Variants in OLFML2A observed in about 807,000 individuals in gnomAD.
OLFML2A encodes the protein olfactomedin-like protein 2A.
A neutral mutation model predicts 60.9 loss-of-function variants in OLFML2A; 47 were observed. The observed-to-expected ratio is 0.77, with a 90% CI of 0.61 to 0.98. OLFML2A has a LOEUF of 0.98. Among genes scored for constraint, OLFML2A ranks in the 50% least tolerant of loss-of-function variants. The probability of loss-of-function intolerance (pLI) is 0.00; values close to 1 mark genes in which losing one functional copy is unlikely to be tolerated. For synonymous variants in OLFML2A, 372 were observed against 375.0 expected (o/e 0.99, Z 0.09); for missense variants, 922 against 879.8 (o/e 1.05, Z -0.61).
intron 2 of OLFML2A, among the ~76,000 whole-genome samples, chr9:124,793,389 T>A (rs1841603956): frequency 6.6e-6 from 1 of 152,212 alleles, no homozygotes; most frequent in Non-Finnish European, 1.5e-5. Flanking sequence ...CAGCAGCTGC[T>A]CCAGGTCCTG....
chr9:124,782,456 G>A (rs1323581583), intron 1 of OLFML2A, among the ~76,000 whole-genome samples: 2 of 152,218 alleles, frequency 1.3e-5, no homozygotes, highest in East Asian at 1.9e-4. Flanking sequence ...CCCTGCATGC[G>A]TTGATTGTTC....
chr9:124,807,422 T>G (rs1340313654), intron 6 of OLFML2A, among the ~76,000 whole-genome samples: 1 of 151,854 alleles, frequency 6.6e-6, no homozygotes, highest in Admixed American at 6.6e-5. Flanking sequence ...TAGCTACGAT[T>G]ACAGGCACCG....
chr9:124,778,907 C>T (rs1033553045), intron 1 of OLFML2A: 1 of 980,126 alleles, frequency 1.0e-6, no homozygotes, highest in Non-Finnish European at 1.2e-6. Context: ...ACTTCCAATA[C>T]CTCTCCAGCC....
At chr9:124,782,436 C>A (rs1285233631) in intron 1 of OLFML2A, among the ~76,000 whole-genome samples, 1 of 152,226 alleles carries the variant, frequency 6.6e-6, no homozygotes, top group Non-Finnish European at 1.5e-5. Flanking sequence ...TGCCAGGTGC[C>A]ATGCCGAGGC....
At chr9:124,795,573 G>A (rs1255769505) in intron 3 of OLFML2A, among the ~76,000 whole-genome samples, 1 of 152,220 alleles carries the variant, frequency 6.6e-6, no homozygotes, top group Non-Finnish European at 1.5e-5. Flanking sequence ...GAGGCCAGAA[G>A]TTTGAGACCA....
intron 4 of OLFML2A, among the ~76,000 whole-genome samples, chr9:124,800,118 C>G (rs1386939778): frequency 6.6e-6 from 1 of 152,238 alleles, no homozygotes; most frequent in African/African-American, 2.4e-5. Flanking sequence ...AACTGTGAAG[C>G]TGGTTCTCCC....
intron 7 of OLFML2A, among the ~76,000 whole-genome samples, chr9:124,808,461 C>T (rs1438499596): frequency 1.3e-5 from 2 of 152,168 alleles, no homozygotes. Flanking sequence ...TTCTGCTTAT[C>T]AAACCTGGGG....
In OLFML2A at chr9:124,810,403, C is replaced by CGTGGTCTGAGTGGAGACCT. The variant is rs1841989099; in HGVS notation, c.1954_*13dup. On this transcript the variant is annotated stop_gained and frameshift_variant, in exon 8 of 8. Transcript: ENST00000373580. LOFTEE classifies it high-confidence loss of function. ...ACCAGCTCACCTACACCCTCCACTT[C>CGTGGTCTGAGTGGAGACCT]GTGGTCTGAGTGGAGACCTGTGCTC... 2 of 1,595,806 alleles carry CGTGGTCTGAGTGGAGACCT rather than the reference C, an allele frequency of 1.3e-6. No individual in the cohort carries two copies. Among genetic ancestry groups the CGTGGTCTGAGTGGAGACCT allele is most frequent in the Non-Finnish European group, 1.7e-6 (2 of 1,176,822 alleles).
chr9:124,807,431 C>T (rs569214744), intron 6 of OLFML2A, among the ~76,000 whole-genome samples: 10 of 151,900 alleles, frequency 6.6e-5, no homozygotes, highest in East Asian at 3.9e-4. Flanking sequence ...TTACAGGCAC[C>T]GCCTACCATG....
Position 124,810,422 on chromosome 9 carries a change from T to A in OLFML2A, c.*10T>A. On this transcript the variant is annotated 3_prime_UTR_variant, in exon 8 of 8. Transcript: ENST00000373580. Reference sequence around the variant, plus strand: ...CCACTTCGTGGTCTGAGTGGAGACCTGTGCTCCCCGGAGAGGGGCAGCAGT... The same window carrying A: ...CCACTTCGTGGTCTGAGTGGAGACCAGTGCTCCCCGGAGAGGGGCAGCAGT... 1.3e-6 allele frequency: 2 copies of A among 1,584,564 alleles called. No individual in the cohort carries two copies. Among genetic ancestry groups the A allele is most frequent in the Non-Finnish European group, 1.7e-6 (2 of 1,169,594 alleles).
chr9:124,795,264 G>A, intron 3 of OLFML2A, 133 bp downstream of exon 3: 1 of 579,488 alleles, frequency 1.7e-6, no homozygotes, highest in Non-Finnish European at 3.2e-6. Flanking sequence ...AGGAGCTGGG[G>A]GAGGGAAATG....
intron 2 of OLFML2A, among the ~76,000 whole-genome samples, chr9:124,791,737 CAA>C (rs10553820): frequency 0.059 from 4,428 of 75,026 alleles, 142 homozygotes; most frequent in East Asian, 0.2. Flanking sequence ...GACTCTGTCT[CAA>C]AAAAAAAAAA....
At chr9:124,796,973 C>A (rs1035526068) in intron 3 of OLFML2A, among the ~76,000 whole-genome samples, 1 of 152,170 alleles carries the variant, frequency 6.6e-6, no homozygotes, top group Non-Finnish European at 1.5e-5. Flanking sequence ...TACACTTTGA[C>A]TTCTGTCATC....
In OLFML2A at chr9:124,801,469, G is replaced by A. The variant is rs1429168707; in HGVS notation, c.725G>A (p.Ser242Asn). Residue 242 changes from serine to asparagine, a missense_variant, in exon 5 of 8, where the codon AGC becomes AAC. Ser to Asn is a conservative substitution (Grantham distance 46). Transcript: ENST00000373580. ...AGCAAGTATGGCAGTGTGCAGAAAA[G>A]CTTTGCAGACAGAGGCCTCCCAAAA... ...DISKYGSVQKSFADRGLPKPP... is the reference protein window; with the variant it reads ...DISKYGSVQKNFADRGLPKPP... 2 of 1,614,010 alleles carry A rather than the reference G, an allele frequency of 1.2e-6. No individual in the cohort carries two copies. Among genetic ancestry groups the A allele is most frequent in the Non-Finnish European group, 1.7e-6 (2 of 1,180,020 alleles).
In OLFML2A at chr9:124,809,919, A is replaced by G. The variant is rs755296510; in HGVS notation, c.1466A>G (p.Tyr489Cys). 1.2e-6 allele frequency: 2 copies of G among 1,614,144 alleles called. No homozygotes were observed. Among genetic ancestry groups the G allele is most frequent in the South Asian group, 2.2e-5 (2 of 91,084 alleles). Residue 489 changes from tyrosine to cysteine, a missense_variant, in exon 8 of 8, where the codon TAC (tyrosine) becomes TGC (cysteine). Physicochemically the swap from Tyr to Cys is radical, Grantham distance 194. Coordinates refer to ENST00000373580, the MANE Select transcript of OLFML2A (RefSeq NM_182487.4). ...GCCTTCACCAAGAACATCATCAAGT[A>G]CGACCTACGGCAGCGCTTCGTGGCC... ...NRAFTKNIIK[Y>C]DLRQRFVASW...
chr9:124,788,914 G>A (rs983943371), intron 2 of OLFML2A, among the ~76,000 whole-genome samples: 5 of 152,140 alleles, frequency 3.3e-5, no homozygotes, highest in Non-Finnish European at 5.9e-5. Flanking sequence ...GGACCAGATT[G>A]TTTGGTGTCT....
chr9:124,801,049 T>C, intron 4 of OLFML2A: 1 of 1,551,410 alleles, frequency 6.4e-7, no homozygotes, highest in Admixed American at 2.0e-5. Flanking sequence ...CTAAGACCAA[T>C]GAGTAAGAGA....
chr9:124,796,266 G>C (rs1045571872), intron 3 of OLFML2A, among the ~76,000 whole-genome samples: 12 of 152,368 alleles, frequency 7.9e-5, no homozygotes, highest in Non-Finnish European at 7.3e-5. Context: ...CCTGGCAGCA[G>C]GGGAGAAAGC....
chr9:124,778,750 T>C (rs968506818), intron 1 of OLFML2A, among the ~76,000 whole-genome samples: 3 of 151,760 alleles, frequency 2.0e-5, no homozygotes, highest in East Asian at 1.9e-4. Context: ...TCAGTGGAGA[T>C]TGCGCCAGTG....
Sources: allele counts gnomAD v4.1 joint callset (sites outside exome capture counted in the v4.1 genomes callset), GRCh38; gene constraint gnomAD v4.1.1; transcripts MANE v1.5; gene names NCBI Gene and HGNC (gene_info 2026-07-23, HGNC 2026-07-21).